The following ZNF875 variants were observed in gnomAD, a reference collection of about 807,000 sequenced individuals.
ZNF875 encodes HKR1, GLI-Kruppel zinc finger family member.
ZNF875 carries 14 observed loss-of-function variants against 11.2 expected under a neutral mutation model. The ratio of observed to expected loss-of-function variants is 1.26; its 90% CI spans 0.83 to 1.96. The LOEUF is 1.96. ZNF875 is among the 30% of genes most tolerant of loss of function. ZNF875 has a pLI of 0.00. For synonymous variants in ZNF875, 301 were observed against 281.1 expected, an observed-to-expected ratio of 1.07 and a Z score of -0.71; for missense variants, 752 against 760.4, an observed-to-expected ratio of 0.99 and a Z score of 0.13.
At chr19:37,340,942 C>G (rs1405785954) in intron 2 of ZNF875, among the ~76,000 whole-genome samples, 1 of 152,192 alleles carries the variant, frequency 6.6e-6, no homozygotes, top group African/African-American at 2.4e-5. Flanking sequence ...GCCACCGCGT[C>G]TGGCCTTGTG....
chr19:37,360,066 A>G (rs2039652949), intron 4 of ZNF875, among the ~76,000 whole-genome samples: 1 of 152,196 alleles, frequency 6.6e-6, no homozygotes, highest in Non-Finnish European at 1.5e-5. Context: ...TAGCTCTTAC[A>G]TTTAGAGCTA....
chr19:37,316,986 T>C (rs1176051141), upstream of ZNF875: 2 of 148,922 alleles, frequency 1.3e-5, no homozygotes, highest in Non-Finnish European at 3.0e-5. Flanking sequence ...TTTATTTTAT[T>C]CTTTTCAGAC....
intron 4 of ZNF875, among the ~76,000 whole-genome samples, chr19:37,349,639 G>T (rs1178735768): frequency 6.6e-6 from 1 of 151,924 alleles, no homozygotes; most frequent in Admixed American, 6.6e-5. Context: ...CCAATCTGTG[G>T]CCTACCTCCT....
Position 37,363,126 on chromosome 19 carries a change from C to G in ZNF875, c.1274C>G (p.Thr425Arg). 6.2e-7 allele frequency: 1 copy of G among 1,612,800 alleles called. No individual in the cohort carries two copies. The highest frequency in any genetic ancestry group is 8.5e-7 in the Non-Finnish European group (1 of 1,179,672). Residue 425 changes from threonine (T) to arginine (R), a missense_variant, in exon 5 of 5, where the codon ACA becomes AGA. Physicochemically the swap from Thr to Arg is moderately conservative, Grantham distance 71 (BLOSUM62 -1). Transcript: ENST00000392153. The stretch of plus-strand genomic sequence containing the variant: ...ACAGGAGAGAAGCCTTATGTATGCA[C>G]AGAATGTGGGCGTCACTTTAGCTGG... ...THTGEKPYVCTECGRHFSWKS... is the reference protein window; with the variant it reads ...THTGEKPYVCRECGRHFSWKS...
intron 4 of ZNF875, among the ~76,000 whole-genome samples, chr19:37,360,209 C>T (rs1351717021): frequency 1.3e-5 from 2 of 152,164 alleles, no homozygotes; most frequent in African/African-American, 4.8e-5. Context: ...TACCTTGGCA[C>T]CTTTATCAAA....
chr19:37,359,866 C>T (rs1157123215), intron 4 of ZNF875: 2 of 152,158 alleles, frequency 1.3e-5, no homozygotes, highest in Non-Finnish European at 2.9e-5. Context: ...ATATTTCTCC[C>T]TGTCTGTGGC....
At chr19:37,340,125 G>A (rs1413260542) in intron 2 of ZNF875, among the ~76,000 whole-genome samples, 1 of 152,028 alleles carries the variant, frequency 6.6e-6, no homozygotes, top group Non-Finnish European at 1.5e-5. Flanking sequence ...TGGAATTACA[G>A]GCATGTGCCA....
chr19:37,318,172 G>C (rs772684271), exon 1 of ZNF875: 1 of 153,658 alleles, frequency 6.5e-6, no homozygotes, highest in Non-Finnish European at 1.5e-5. Flanking sequence ...GACACGTATT[G>C]TCTCAAGATT....
At chr19:37,323,613 T>C (rs2031897611) in intron 3 of ZNF875, 1 of 152,202 alleles carries the variant, frequency 6.6e-6, no homozygotes, top group African/African-American at 2.4e-5. Context: ...AAGGCCTAGC[T>C]GATGACTTAA....
chr19:37,333,488 TA>T (rs1207358108), upstream of ZNF875, among the ~76,000 whole-genome samples: 2 of 152,204 alleles, frequency 1.3e-5, no homozygotes, highest in Admixed American at 6.5e-5. Context: ...CCTTGTTTTT[TA>T]CTTCTCCAGG....
At chr19:37,355,091 T>G (rs1568637119) in intron 4 of ZNF875, among the ~76,000 whole-genome samples, 1 of 152,250 alleles carries the variant, frequency 6.6e-6, no homozygotes, top group Non-Finnish European at 1.5e-5. Flanking sequence ...CTCTTTTGCA[T>G]GCATACCCTT....
Position 37,363,947 on chromosome 19 carries a change from C to CTTCAGGTGGATGG in ZNF875, c.*172_*173insTTCAGGTGGATGG. ...ACTGTACTGGTAAGACTTGTATCTC[C>CTTCAGGTGGATGG]ATCCACCTGAAGGAGAATTGCTGGC... On this transcript the variant is annotated 3_prime_UTR_variant, in exon 5 of 5. Transcript: ENST00000392153. 1 of 600,152 alleles carries CTTCAGGTGGATGG rather than the reference C, an allele frequency of 1.7e-6. No individual in the cohort carries two copies. The highest frequency in any genetic ancestry group is 3.0e-6 in the Non-Finnish European group (1 of 336,174). The allele number at this position is 600,152 out of a possible 1,614,324, so 37.2% of individuals were successfully genotyped here.
At chr19:37,318,965 C>T (rs113294184) in intron 1 of ZNF875, among the ~76,000 whole-genome samples, 1,889 of 151,584 alleles carry the variant, frequency 0.012, 37 homozygotes, top group East Asian at 0.055. Context: ...TTTTGGGGCA[C>T]GTATGTAGAG....
intron 2 of ZNF875, among the ~76,000 whole-genome samples, chr19:37,338,112 A>AT (rs2034890986): frequency 1.3e-5 from 2 of 152,102 alleles, no homozygotes; most frequent in South Asian, 4.1e-4. Flanking sequence ...AACATTGAAT[A>AT]TTTTTTGTGC....
chr19:37,335,288 G>A (rs555948539), intron 2 of ZNF875, 31 bp downstream of exon 2: 3 of 689,524 alleles, frequency 4.4e-6, no homozygotes, highest in South Asian at 3.0e-5. Flanking sequence ...TATCTTGGCT[G>A]TCAACAGAAT....
At chr19:37,326,486 C>G (rs1275930923) in intron 4 of ZNF875, among the ~76,000 whole-genome samples, 1 of 152,098 alleles carries the variant, frequency 6.6e-6, no homozygotes, top group Admixed American at 6.6e-5. Context: ...GTTTTCCTCT[C>G]ACCCTCATTT....
upstream of ZNF875, chr19:37,317,778 G>A (rs189067542): frequency 6.6e-6 from 1 of 152,462 alleles, no homozygotes; most frequent in East Asian, 1.9e-4. Flanking sequence ...TCTATTTGAG[G>A]CTAACCGAGA....
intron 2 of ZNF875, among the ~76,000 whole-genome samples, chr19:37,339,812 G>T (rs1568594723): frequency 6.6e-6 from 1 of 151,910 alleles, no homozygotes; most frequent in Non-Finnish European, 1.5e-5. Context: ...TGACCCACCT[G>T]CCTTGGCCTC....
chr19:37,358,861 A>G (rs995831729), intron 4 of ZNF875, among the ~76,000 whole-genome samples: 2 of 151,600 alleles, frequency 1.3e-5, no homozygotes, highest in African/African-American at 4.8e-5. Context: ...TATAATTTAC[A>G]TGCCATAAAA....
Sources: allele counts gnomAD v4.1 joint callset (sites outside exome capture counted in the v4.1 genomes callset), GRCh38; gene constraint gnomAD v4.1.1; transcripts MANE v1.5; gene names NCBI Gene and HGNC (gene_info 2026-07-23, HGNC 2026-07-21).